Variants in NRXN3 observed in about 807,000 individuals in gnomAD.
The protein encoded by NRXN3 is neurexin III.
A neutral mutation model predicts 137.6 loss-of-function variants in NRXN3; 32 were observed. The observed-to-expected ratio is 0.23, with a 90% CI of 0.18 to 0.31. The LOEUF (loss-of-function observed/expected upper bound fraction) is 0.31. NRXN3 is among the 10% of genes least tolerant of loss of function. The probability of loss-of-function intolerance (pLI) is 1.00; values close to 1 mark genes in which losing one functional copy is unlikely to be tolerated. For missense variants in NRXN3, 1,574 were observed against 2,062.5 expected (o/e 0.76, Z 4.59); for synonymous variants, 798 against 784.5 (o/e 1.02, Z -0.29).
At chr14:78,735,508 T>G (rs544764191) in intron 8 of NRXN3, among the ~76,000 whole-genome samples, 283 of 152,246 alleles carry the variant, frequency 1.9e-3, no homozygotes, top group Non-Finnish European at 3.0e-3. Context: ...GTGCTCAGAC[T>G]TTGGGACAAG....
At chr14:79,538,063 T>C (rs543995740) in intron 16 of NRXN3, among the ~76,000 whole-genome samples, 3 of 152,366 alleles carry the variant, frequency 2.0e-5, no homozygotes, top group Non-Finnish European at 2.9e-5. Context: ...CATTTTTTCA[T>C]GTGTCTTTCA....
chr14:79,285,769 T>C (rs1230077585), intron 15 of NRXN3, among the ~76,000 whole-genome samples: 1 of 152,132 alleles, frequency 6.6e-6, no homozygotes, highest in Non-Finnish European at 1.5e-5. Flanking sequence ...CACTCACATT[T>C]TGAGGTACCA....
At chr14:78,239,102 C>T (rs1464623176) in intron 1 of NRXN3, among the ~76,000 whole-genome samples, 1 of 152,200 alleles carries the variant, frequency 6.6e-6, no homozygotes, top group Non-Finnish European at 1.5e-5. Context: ...GTCAAATAAT[C>T]CACAGGAACA....
Position 78,243,682 on chromosome 14 carries a change from G to A in NRXN3, c.589G>A (p.Asp197Asn). The change falls in exon 2 of 21, where the codon GAT becomes AAT. Residue 197 changes from aspartate to asparagine, a missense_variant. By Grantham distance (23) the Asp-to-Asn change is conservative (BLOSUM62 1). Coordinates refer to ENST00000335750, the MANE Select transcript of NRXN3 (RefSeq NM_001330195.2). The surrounding 1 kb of genome is among the most constrained non-coding windows in gnomAD (Gnocchi z 4.2). ...TCTGGGGAGCCGGGGTGTCCAGATG[G>A]ATGCCGAGGGACCCTGTGGTGAGCG... ...RLLGSRGVQM[D>N]AEGPCGERPC... 3 of 1,598,442 alleles carry A rather than the reference G, an allele frequency of 1.9e-6. No individual in the cohort carries two copies. The highest frequency in any genetic ancestry group is 2.5e-6 in the Non-Finnish European group (3 of 1,179,814).
intron 20 of NRXN3, among the ~76,000 whole-genome samples, chr14:79,858,405 G>A (rs1457993952): frequency 6.6e-6 from 1 of 152,138 alleles, no homozygotes; most frequent in East Asian, 1.9e-4. Flanking sequence ...TGAAGATGGT[G>A]ATCTTAATCC....
At chr14:79,662,738 A>G (rs558569450) in intron 16 of NRXN3, among the ~76,000 whole-genome samples, 1 of 152,222 alleles carries the variant, frequency 6.6e-6, no homozygotes, top group Non-Finnish European at 1.5e-5. Context: ...GTCTCACATG[A>G]CAGGAGCAGG....
Position 79,652,827 on chromosome 14 carries a change from G to A in NRXN3, c.3445-10951G>A, listed in dbSNP as rs188885289. Among the ~76,000 whole-genome samples the A allele has an allele frequency of 1.2e-4, 18 of 151,834 alleles. No homozygotes were observed. The East Asian group carries it at 2.7e-3, about 23-fold the overall frequency. ...ATGCTGTCATGGAGGTCATAGGGCC[G>A]GCCTTTTTTCGAAGTACTGGAGCTT... On this transcript the variant is annotated intron_variant, in intron 16 of 20. Transcript: ENST00000335750.
intron 8 of NRXN3, among the ~76,000 whole-genome samples, chr14:78,754,284 G>T (rs36052103): frequency 0.075 from 11,349 of 152,128 alleles, 508 homozygotes; most frequent in South Asian, 0.14. Context: ...CACTATGGTG[G>T]GGTTACAAGG....
chr14:78,393,401 C>T (rs2091022113), intron 4 of NRXN3, among the ~76,000 whole-genome samples: 4 of 152,010 alleles, frequency 2.6e-5, no homozygotes, highest in African/African-American at 7.2e-5. Flanking sequence ...AAGGATCCCT[C>T]CTGTTACCCT....
At chr14:79,790,579 A>C (rs2099141968) in intron 19 of NRXN3, among the ~76,000 whole-genome samples, 1 of 147,488 alleles carries the variant, frequency 6.8e-6, no homozygotes, top group African/African-American at 2.5e-5. Flanking sequence ...AAAGTTCTGT[A>C]ATTACAGGCG....
At chr14:79,415,975 A>G (rs1386521393) in intron 15 of NRXN3, among the ~76,000 whole-genome samples, 6 of 152,124 alleles carry the variant, frequency 3.9e-5, no homozygotes, top group South Asian at 4.1e-4. Context: ...AAATGTCTTC[A>G]CTTCTTATTC....
intron 16 of NRXN3, among the ~76,000 whole-genome samples, chr14:79,620,810 A>G (rs2098215787): frequency 6.6e-6 from 1 of 152,120 alleles, no homozygotes; most frequent in South Asian, 2.1e-4. Flanking sequence ...GAGATTTTGG[A>G]GAACTTCTCA....
At chr14:79,743,013 CA>C (rs1169478491) in intron 19 of NRXN3, among the ~76,000 whole-genome samples, 2 of 152,054 alleles carry the variant, frequency 1.3e-5, no homozygotes, top group African/African-American at 4.8e-5. Flanking sequence ...TGGGTTGCCT[CA>C]AAACTTTCAG....
chr14:79,468,544 G>T (rs1200596153), intron 16 of NRXN3, among the ~76,000 whole-genome samples: 1 of 152,230 alleles, frequency 6.6e-6, no homozygotes, highest in East Asian at 1.9e-4. Context: ...ACATTGATTA[G>T]GAATCTCTGA....
At chr14:78,698,139 C>T (rs1302903086) in intron 6 of NRXN3, 1 of 152,028 alleles carries the variant, frequency 6.6e-6, no homozygotes, top group Non-Finnish European at 1.5e-5. Context: ...CCCCAGAGTT[C>T]TGGAACTTAC....
chr14:78,291,924 C>T (rs529157171), intron 3 of NRXN3, among the ~76,000 whole-genome samples: 4 of 151,756 alleles, frequency 2.6e-5, no homozygotes, highest in Non-Finnish European at 5.9e-5. Context: ...TTCTTTTTTT[C>T]TCCCCTTGTG....
At chr14:78,909,646 A>AT (rs1288551350) in intron 10 of NRXN3, among the ~76,000 whole-genome samples, 3 of 151,976 alleles carry the variant, frequency 2.0e-5, no homozygotes, top group African/African-American at 7.3e-5. Flanking sequence ...AAGGGAATCC[A>AT]TTTTTTTCAA....
chr14:78,360,669 C>T (rs553906243), intron 4 of NRXN3, among the ~76,000 whole-genome samples: 102 of 152,270 alleles, frequency 6.7e-4, no homozygotes, highest in African/African-American at 2.3e-3. Flanking sequence ...AATGCCTGCA[C>T]ATAGTAAGGG....
At chr14:79,137,565 T>C (rs1057355290) in intron 15 of NRXN3, among the ~76,000 whole-genome samples, 8 of 152,194 alleles carry the variant, frequency 5.3e-5, no homozygotes, top group Admixed American at 2.0e-4. Context: ...GTTATATAAA[T>C]TGAGTCTAAT....
Sources: gnomAD v4.1 joint callset for allele counts (sites outside exome capture counted in the v4.1 genomes callset) on GRCh38, gnomAD v4.1.1 for gene constraint, Gnocchi (gnomAD v3.1) non-coding constraint, MANE v1.5 for transcripts, NCBI Gene and HGNC (gene_info 2026-07-23, HGNC 2026-07-21) for gene names.